DTX1: variants seen among roughly 807,000 people sequenced by gnomAD.
The protein encoded by DTX1 is deltex E3 ubiquitin ligase 1.
DTX1 carries 26 observed loss-of-function variants against 57.8 expected under a neutral mutation model. That is an observed-to-expected ratio of 0.45 (90% CI 0.33 to 0.62). The LOEUF is 0.62. Among genes scored for constraint, DTX1 ranks in the 20% least tolerant of loss-of-function variants. DTX1 has a pLI of 0.02. For missense variants in DTX1, 704 were observed against 895.3 expected (o/e 0.79, Z 2.73); for synonymous variants, 398 against 394.1 (o/e 1.01, Z -0.12).
intron 3 of DTX1, among the ~76,000 whole-genome samples, chr12:113,079,218 GA>G (rs1566017466): frequency 3.3e-5 from 5 of 152,132 alleles, no homozygotes. Context: ...GACCAGAAGA[GA>G]AAAGACCAGG....
At chr12:113,074,739 G>A (rs1566016026) in intron 2 of DTX1, among the ~76,000 whole-genome samples, 2 of 152,206 alleles carry the variant, frequency 1.3e-5, no homozygotes, top group African/African-American at 2.4e-5. Context: ...ATAACATGGC[G>A]GGGACTGGGT....
At chr12:113,096,679 C>A in intron 9 of DTX1, 36 bp from the exon 10 acceptor site, 1 of 1,570,672 alleles carries the variant, frequency 6.4e-7, no homozygotes. Flanking sequence ...CTGCCTGTGA[C>A]CTCCTCCCGG....
Position 113,093,986 on chromosome 12 carries a change from TTCGGG to T in DTX1, c.1166-51_1166-47del, listed in dbSNP as rs1950266193. Reference sequence around the variant, plus strand: ...CCCTGACCCAGTTCTGAGCCAAGCCTTCGGGGACAGACTCTGGGTACCCTCAAACC... The same window carrying T: ...CCCTGACCCAGTTCTGAGCCAAGCCTGACAGACTCTGGGTACCCTCAAACC... On this transcript the variant is annotated intron_variant, in intron 5 of 9. Coordinates refer to ENST00000548759, the MANE Select transcript of DTX1 (RefSeq NM_004416.3). The surrounding 1 kb of genome is among the most constrained non-coding windows in gnomAD (Gnocchi z 4.2). The T allele has an allele frequency of 3.5e-5, 54 of 1,556,700 alleles. No individual in the cohort carries two copies. The highest frequency in any genetic ancestry group is 4.6e-5 in the Non-Finnish European group (53 of 1,148,798).
chr12:113,076,146 T>G (rs2136058101), intron 2 of DTX1, among the ~76,000 whole-genome samples: 1 of 151,860 alleles, frequency 6.6e-6, no homozygotes, highest in African/African-American at 2.4e-5. Context: ...GGAGAATACA[T>G]AAAGGTATCA....
rs2044779000 is a variant in DTX1 at position 113,077,301 on chromosome 12, C to G, written c.260-123C>G. ...GACCCTCTCCCCAAGTCTGGGTGGACCCCCTGGAGGCCTGTGCTGACCCCC... is the reference window on the plus strand; with the variant it reads ...GACCCTCTCCCCAAGTCTGGGTGGAGCCCCTGGAGGCCTGTGCTGACCCCC... On this transcript the variant is annotated intron_variant, in intron 2 of 9. Transcript: ENST00000548759. This position sits in a 1 kb window ranked among gnomAD's most constrained non-coding sequence, Gnocchi z 7.8. 8.0e-6 allele frequency: 9 copies of G among 1,124,946 alleles called. No homozygotes were observed. The highest frequency in any genetic ancestry group is 1.6e-5 in the African/African-American group (1 of 63,332). 69.7% of individuals were successfully genotyped at this position (1,124,946 alleles called of 1,614,324 possible).
chr12:113,089,859 C>T (rs1381928245), intron 3 of DTX1: 1 of 152,228 alleles, frequency 6.6e-6, no homozygotes, highest in East Asian at 1.9e-4. Flanking sequence ...CTAAATCCTT[C>T]CCTTCCTGGA....
intron 2 of DTX1, among the ~76,000 whole-genome samples, chr12:113,060,906 G>T (rs551793870): frequency 2.0e-5 from 3 of 152,186 alleles, no homozygotes; most frequent in African/African-American, 7.2e-5. Flanking sequence ...ACCTAGCTGG[G>T]TTGGGTATGG....
intron 3 of DTX1, among the ~76,000 whole-genome samples, chr12:113,079,293 C>T (rs1253992715): frequency 6.6e-6 from 1 of 152,182 alleles, no homozygotes; most frequent in African/African-American, 2.4e-5. Flanking sequence ...GCTTCAATCA[C>T]TATGGCATGG....
chr12:113,096,585 C>T (rs1025995282), intron 9 of DTX1, 130 bp from the exon 10 acceptor site: 3 of 757,296 alleles, frequency 4.0e-6, no homozygotes, highest in Non-Finnish European at 6.3e-6. Context: ...GCCAGCAGTA[C>T]GTAGTTGGTG....
intron 2 of DTX1, among the ~76,000 whole-genome samples, chr12:113,062,761 G>A (rs1296551630): frequency 2.0e-5 from 3 of 152,242 alleles, no homozygotes; most frequent in Admixed American, 6.5e-5. Flanking sequence ...AGAAAGCCCC[G>A]GTGTCAGGCT....
rs1432288307 is a variant in DTX1, at chr12:113,077,443, G to A, written c.279G>A (p.Arg93=). ...RQDTGTMRPV[R]RNFYDPSSAP... is the part of the protein sequence containing the mutation. ...GTACAGGCACCATGCGGCCCGTGCG[G>A]CGCAACTTCTACGACCCGTCGTCGG... Residue 93 remains arginine, a synonymous_variant, in exon 3 of 10, where the codon CGG becomes CGA. Coordinates refer to ENST00000548759, the MANE Select transcript of DTX1 (RefSeq NM_004416.3). The surrounding 1 kb of genome is among the most constrained non-coding windows in gnomAD (Gnocchi z 7.8). The A allele has an allele frequency of 1.2e-6, 2 of 1,609,208 alleles. No homozygotes were observed. The highest frequency in any genetic ancestry group is 1.7e-6 in the Non-Finnish European group (2 of 1,179,404).
chr12:113,066,118 C>A (rs889834205), intron 2 of DTX1, among the ~76,000 whole-genome samples: 2 of 152,180 alleles, frequency 1.3e-5, no homozygotes, highest in East Asian at 3.9e-4. Context: ...CCCCTAGCTG[C>A]CTCTGGCTGA....
chr12:113,061,578 C>T (rs910126540), intron 2 of DTX1, among the ~76,000 whole-genome samples: 2 of 152,186 alleles, frequency 1.3e-5, no homozygotes, highest in African/African-American at 4.8e-5. Flanking sequence ...GCAGGGTTGT[C>T]GGGTTGAACA....
Position 113,093,016 on chromosome 12 carries a change from T to C in DTX1, c.942-146T>C. ...ATAGGATGTCAGAGTAGAAAGAGAG[T>C]TTCCTGGAGGTAACTGCAGTTGGCA... On this transcript the variant is annotated intron_variant, in intron 3 of 9. Coordinates refer to ENST00000548759, the MANE Select transcript of DTX1 (RefSeq NM_004416.3). This position sits in a 1 kb window ranked among gnomAD's most constrained non-coding sequence, Gnocchi z 4.2. 2 of 729,442 alleles carry C rather than the reference T, an allele frequency of 2.7e-6. No homozygotes were observed. The highest frequency in any genetic ancestry group is 4.4e-6 in the Non-Finnish European group (2 of 451,552). The allele number at this position is 729,442 out of a possible 1,614,324, so 45.2% of individuals were successfully genotyped here.
At chr12:113,090,407 C>A (rs2464289) in intron 3 of DTX1, among the ~76,000 whole-genome samples, 21 of 152,054 alleles carry the variant, frequency 1.4e-4, no homozygotes, top group African/African-American at 4.8e-4. Flanking sequence ...TCCTGGGGCC[C>A]CCCCGCAGGG....
intron 3 of DTX1, among the ~76,000 whole-genome samples, chr12:113,083,017 G>A (rs2044829519): frequency 6.6e-6 from 1 of 152,142 alleles, no homozygotes; most frequent in East Asian, 1.9e-4. Context: ...CGAGATCACG[G>A]TGTCACAGGG....
chr12:113,058,288 T>C lies in DTX1; in HGVS notation c.96T>C (p.Asn32=). Residue 32 remains asparagine (N), a synonymous_variant, in exon 2 of 10, where the codon AAT becomes AAC. Transcript: ENST00000548759. ...GGGTGGTGGTGTGGGAGTGGCTGAA[T>C]GAGCACAGCCGCTGGCGGCCCTACA... ...VARVVVWEWL[N]EHSRWRPYTA... is the part of the protein sequence containing the mutation. 6 of 1,613,520 alleles carry C rather than the reference T, an allele frequency of 3.7e-6. No individual in the cohort carries two copies. Among genetic ancestry groups the C allele is most frequent in the Non-Finnish European group, 5.1e-6 (6 of 1,179,996 alleles).
chr12:113,069,355 C>T (rs1362755689), intron 2 of DTX1, among the ~76,000 whole-genome samples: 2 of 152,052 alleles, frequency 1.3e-5, no homozygotes, highest in Admixed American at 6.5e-5. Context: ...TGCCCGCCTC[C>T]GCCTGCCAGC....
At chr12:113,080,005 A>G (rs1490485764) in intron 3 of DTX1, among the ~76,000 whole-genome samples, 2 of 152,184 alleles carry the variant, frequency 1.3e-5, no homozygotes, top group Admixed American at 6.5e-5. Context: ...CACTGGCAGT[A>G]GTTCAGCCAT....
Sources: gnomAD v4.1 joint callset for allele counts (sites outside exome capture counted in the v4.1 genomes callset) on GRCh38, gnomAD v4.1.1 for gene constraint, Gnocchi (gnomAD v3.1) non-coding constraint, MANE v1.5 for transcripts, NCBI Gene and HGNC (gene_info 2026-07-23, HGNC 2026-07-21) for gene names.